The following SLC25A17 variants were observed in gnomAD, a reference collection of about 807,000 sequenced individuals.
SLC25A17 encodes the protein peroxisomal membrane protein PMP34.
In SLC25A17, 26 loss-of-function variants were observed where a neutral mutation model predicts 38.5. That is an observed-to-expected ratio of 0.68 (90% CI 0.50 to 0.94). SLC25A17 has a LOEUF of 0.94. SLC25A17 is among the 40% of genes least tolerant of loss of function. The probability of loss-of-function intolerance (pLI) is 0.00; values close to 1 mark genes in which losing one functional copy is unlikely to be tolerated. For missense variants in SLC25A17, 333 were observed against 372.7 expected (o/e 0.89, Z 0.88); for synonymous variants, 139 against 136.2 (o/e 1.02, Z -0.14).
In SLC25A17 at chr22:40,811,338, G is replaced by A. The variant is rs6002165; in HGVS notation, c.54+7857C>T. ...ACCCCTGGCCTCGAGTGATCTACCC[G>A]TCTCAGACTCCCGAAGTGCTGGGAT... On this transcript the variant is annotated intron_variant, in intron 1 of 8. Coordinates refer to ENST00000435456, the MANE Select transcript of SLC25A17 (RefSeq NM_006358.4). Among the ~76,000 whole-genome samples, 550 of 151,288 alleles carry A rather than the reference G, an allele frequency of 3.6e-3. 5 individuals carry two copies. The highest frequency in any genetic ancestry group is 0.013 in the African/African-American group (521 of 41,200).
chr22:40,777,555 G>C (rs534556264), intron 5 of SLC25A17, among the ~76,000 whole-genome samples, 182 bp from the exon 6 acceptor site: 54 of 152,260 alleles, frequency 3.5e-4, no homozygotes, highest in African/African-American at 1.3e-3. Context: ...AGGCCGAGGC[G>C]GGTGGATCAC....
rs2057640893 is a variant in SLC25A17 at position 40,816,501 on chromosome 22, C to T, written c.54+2694G>A. ...ACGGTACACAAAGCCTAAAATATTT[C>T]CCATCTGCTCTCTTTAAAAAGTTTG... On this transcript the variant is annotated intron_variant, in intron 1 of 8. Transcript: ENST00000435456. 3.9e-5 allele frequency among the ~76,000 whole-genome samples: 6 copies of T among 152,218 alleles called. No individual in the cohort carries two copies. The South Asian group carries it at 1.0e-3, about 26-fold the overall frequency.
chr22:40,795,252 T>G (rs1365758472), intron 2 of SLC25A17, among the ~76,000 whole-genome samples: 1 of 152,080 alleles, frequency 6.6e-6, no homozygotes, highest in African/African-American at 2.4e-5. Flanking sequence ...CAGTCTAATT[T>G]AATTCCTAAT....
chr22:40,814,770 TATATATATATATA>T (rs2057619059), intron 1 of SLC25A17, among the ~76,000 whole-genome samples: 1 of 141,770 alleles, frequency 7.1e-6, no homozygotes, highest in Non-Finnish European at 1.5e-5. Context: ...TATATATATA[TATATATATATATA>T]TATATATTGT....
chr22:40,770,962 G>C lies in SLC25A17; in HGVS notation c.796C>G (p.Leu266Val), dbSNP rs562948901. Residue 266 changes from leucine (L) to valine (V), a missense_variant, in exon 9 of 9, where the codon CTC becomes GTC. Leu to Val is a conservative substitution (Grantham distance 32). Transcript: ENST00000435456. ...AGTTTGGCTTCAAGGCCTTTGTAGAGTCCCATTATTCCAAAACGTCTAAAG... is the reference window on the plus strand; with the variant it reads ...AGTTTGGCTTCAAGGCCTTTGTAGACTCCCATTATTCCAAAACGTCTAAAG... ...QRVRRFGIMG[L>V]YKGLEAKLLQ... 2 of 1,597,532 alleles carry C rather than the reference G, an allele frequency of 1.3e-6. No homozygotes were observed. The highest frequency in any genetic ancestry group is 2.2e-5 in the South Asian group (2 of 89,356).
chr22:40,784,784 C>CAAAAAAAAAAAAAAA (rs71200616), intron 4 of SLC25A17, among the ~76,000 whole-genome samples: 4 of 96,370 alleles, frequency 4.2e-5, no homozygotes, highest in Non-Finnish European at 5.8e-5. Flanking sequence ...TCAACAACAA[C>CAAAAAAAAAAAAAAA]AAAAAAAAAA....
rs2057164003 is a variant in SLC25A17 at position 40,769,807 on chromosome 22, A to C, written c.*1027T>G. 2 of 152,214 alleles carry C rather than the reference A, an allele frequency of 1.3e-5. No homozygotes were observed. The highest frequency in any genetic ancestry group is 2.1e-4 in the South Asian group (1 of 4,824). The allele number at this position is 152,214 out of a possible 1,614,324, so 9.4% of individuals were successfully genotyped here. ...GTTAAAATACGGAACAGGATTCAGA[A>C]ACTCTGGGTTGCGTGCCCAGCAAGC... On this transcript the variant is annotated 3_prime_UTR_variant, in exon 9 of 9. Transcript: ENST00000435456.
intron 1 of SLC25A17, among the ~76,000 whole-genome samples, chr22:40,812,279 C>A (rs190512940): frequency 1.1e-4 from 16 of 152,204 alleles, no homozygotes; most frequent in African/African-American, 3.4e-4. Flanking sequence ...TCATTCTGGG[C>A]TATATCTCTC....
In SLC25A17 at chr22:40,774,021, T is replaced by G. The variant is rs1273419642; in HGVS notation, c.694-2A>C. 1 of 1,605,216 alleles carries G rather than the reference T, an allele frequency of 6.2e-7. No individual in the cohort carries two copies. Among genetic ancestry groups the G allele is most frequent in the East Asian group, 2.2e-5 (1 of 44,790 alleles). ...TGGGTTTAGTCTATGACGCCCAAAC[T>G]GAGGAAAGAGGGAAAAAAAACAAAA... On this transcript the variant is annotated splice_acceptor_variant, in intron 7 of 8. Coordinates refer to ENST00000435456, the MANE Select transcript of SLC25A17 (RefSeq NM_006358.4). LOFTEE classifies it high-confidence loss of function.
Position 40,808,702 on chromosome 22 carries a change from C to T in SLC25A17, c.55-9619G>A, listed in dbSNP as rs1243015146. Among the ~76,000 whole-genome samples the T allele has an allele frequency of 2.0e-5, 3 of 152,110 alleles. No homozygotes were observed. In the East Asian group the frequency reaches 5.8e-4, roughly 29 times the overall value. ...TTTCCGTTTTGAAGTGGGTAAGAGGCAAATATTTTTTGTAAAAGACATCAG... is the reference window on the plus strand; with the variant it reads ...TTTCCGTTTTGAAGTGGGTAAGAGGTAAATATTTTTTGTAAAAGACATCAG... On this transcript the variant is annotated intron_variant, in intron 1 of 8. Transcript: ENST00000435456.
At chr22:40,790,577 G>A (rs907353540) in intron 4 of SLC25A17, among the ~76,000 whole-genome samples, 7 of 152,160 alleles carry the variant, frequency 4.6e-5, no homozygotes, top group Admixed American at 3.9e-4. Context: ...TGTTAGGTAT[G>A]GGGGAGTCTG....
chr22:40,800,125 A>T (rs193003149), intron 1 of SLC25A17, among the ~76,000 whole-genome samples: 315 of 152,360 alleles, frequency 2.1e-3, no homozygotes, highest in African/African-American at 7.3e-3. Flanking sequence ...AATAGGAACA[A>T]TCTCTTTGCC....
At chr22:40,784,538 C>A in intron 4 of SLC25A17, 1 of 266,210 alleles carries the variant, frequency 3.8e-6, no homozygotes, top group African/African-American at 2.2e-5. Flanking sequence ...TTTGGAAGGT[C>A]GAGGCAGAAG....
intron 1 of SLC25A17, among the ~76,000 whole-genome samples, chr22:40,813,062 T>C (rs955848619): frequency 2.6e-5 from 4 of 152,156 alleles, no homozygotes; most frequent in Non-Finnish European, 5.9e-5. Flanking sequence ...CACAGACAGA[T>C]AGGCAAGTTA....
At position 40,777,333 on chromosome 22, in the gene SLC25A17, A is replaced by G; in HGVS notation, c.492T>C (p.Ala164=). The change falls in exon 6 of 9, where the codon GCT becomes GCC. Residue 164 remains alanine, a synonymous_variant. Coordinates refer to ENST00000435456, the MANE Select transcript of SLC25A17 (RefSeq NM_006358.4). The stretch of plus-strand genomic sequence containing the variant: ...ATGAGGGAAATGTGCCATTCCATAA[A>G]GCCGAGATTCCTTCATCGCGAATGA... ...HQIIRDEGIS[A]LWNGTFPSLL... The G allele has an allele frequency of 6.2e-7, 1 of 1,614,158 alleles. No homozygotes were observed. The highest frequency in any genetic ancestry group is 8.5e-7 in the Non-Finnish European group (1 of 1,180,006).
At position 40,816,078 on chromosome 22, in the gene SLC25A17, C is replaced by T. The variant is rs915072682; in HGVS notation, c.54+3117G>A. ...GCACATGCCTGTAAACCCAGCCACT[C>T]GGCGAGAGGCTGAGGCAGGAGAATC... On this transcript the variant is annotated intron_variant, in intron 1 of 8. Coordinates refer to ENST00000435456, the MANE Select transcript of SLC25A17 (RefSeq NM_006358.4). 4.0e-5 allele frequency among the ~76,000 whole-genome samples: 6 copies of T among 151,772 alleles called. 1 individual carries two copies. The highest frequency in any genetic ancestry group is 2.1e-4 in the South Asian group (1 of 4,814).
At chr22:40,796,601 G>A (rs1468878163) in intron 2 of SLC25A17, among the ~76,000 whole-genome samples, 11 of 148,490 alleles carry the variant, frequency 7.4e-5, no homozygotes, top group Admixed American at 4.0e-4. Context: ...ACCTGGGTAA[G>A]AGAGACTCTG....
At chr22:40,771,096 C>T (rs183020972) in intron 8 of SLC25A17, 115 bp from the exon 9 acceptor site, 2 of 911,674 alleles carry the variant, frequency 2.2e-6, no homozygotes, top group South Asian at 2.5e-5. Flanking sequence ...TCAACACAGA[C>T]TTCTGTTGTC....
chr22:40,798,935 C>T (rs1322970837), intron 2 of SLC25A17, 88 bp downstream of exon 2: 1 of 934,502 alleles, frequency 1.1e-6, no homozygotes, highest in African/African-American at 1.7e-5. Context: ...AAAAGCGAAA[C>T]TCCGTCTCAA....
Sources: gnomAD v4.1 joint callset for allele counts (sites outside exome capture counted in the v4.1 genomes callset) on GRCh38, gnomAD v4.1.1 for gene constraint, MANE v1.5 for transcripts, NCBI Gene and HGNC (gene_info 2026-07-23, HGNC 2026-07-21) for gene names.